Variants in NOXRED1 observed in about 807,000 individuals in gnomAD.
The protein encoded by NOXRED1 is NADP-dependent oxidoreductase domain-containing protein 1.
In NOXRED1, 20 loss-of-function variants were observed where a neutral mutation model predicts 30.4. The ratio of observed to expected loss-of-function variants is 0.66; its 90% CI spans 0.46 to 0.96. The LOEUF (loss-of-function observed/expected upper bound fraction) is 0.96. NOXRED1 is among the 40% of genes least tolerant of loss of function. The probability of loss-of-function intolerance (pLI) is 0.00; values close to 1 mark genes in which losing one functional copy is unlikely to be tolerated. For synonymous variants in NOXRED1, 155 were observed against 168.0 expected (o/e 0.92, Z 0.60); for missense variants, 374 against 428.0 (o/e 0.87, Z 1.11).
chr14:77,408,891 A>AGTTTTTTTTTTTTTT (rs1491306326), intron 2 of NOXRED1, among the ~76,000 whole-genome samples: 1 of 13,530 alleles, frequency 7.4e-5, no homozygotes, highest in Non-Finnish European at 3.4e-4. Context: ...ACTGGTAGTT[A>AGTTTTTTTTTTTTTT]ATTTTTTTTT....
At chr14:77,399,923 C>T (rs1402948680) in intron 5 of NOXRED1, among the ~76,000 whole-genome samples, 2 of 151,824 alleles carry the variant, frequency 1.3e-5, no homozygotes, top group Admixed American at 6.6e-5. Flanking sequence ...GAAACTATAC[C>T]TAAACATATC....
intron 5 of NOXRED1, among the ~76,000 whole-genome samples, chr14:77,403,249 C>T (rs1161780337): frequency 6.6e-6 from 1 of 151,992 alleles, no homozygotes; most frequent in Non-Finnish European, 1.5e-5. Flanking sequence ...AGAAGGAAAC[C>T]TTTTGTTTTT....
intron 2 of NOXRED1, among the ~76,000 whole-genome samples, chr14:77,413,034 T>C (rs1229581241): frequency 1.3e-5 from 2 of 152,152 alleles, no homozygotes; most frequent in Non-Finnish European, 2.9e-5. Context: ...AAGTATAATT[T>C]ACATATAATG....
Position 77,406,207 on chromosome 14 carries a change from C to A in NOXRED1, c.683-72G>T, listed in dbSNP as rs865933299. The A allele has an allele frequency of 6.5e-6, 7 of 1,073,904 alleles. No individual in the cohort carries two copies. In the South Asian group the frequency reaches 8.5e-5, roughly 13 times the overall value. The allele number at this position is 1,073,904 out of a possible 1,614,324, so 66.5% of individuals were successfully genotyped here. On this transcript the variant is annotated intron_variant, in intron 4 of 5. Transcript: ENST00000380835. ...GAGTTGCAGAAAACCTAGAATAAAC[C>A]CCTGACAGTGAATAGCCGCCTTTTT...
intron 1 of NOXRED1, among the ~76,000 whole-genome samples, 178 bp from the exon 2 acceptor site, chr14:77,414,305 G>A (rs547942706): frequency 7.9e-5 from 12 of 150,956 alleles, no homozygotes; most frequent in Non-Finnish European, 1.3e-4. Context: ...CCTGTCTCCC[G>A]AGTAGCTGGG....
intron 1 of NOXRED1, among the ~76,000 whole-genome samples, chr14:77,421,207 G>A (rs560423124): frequency 6.6e-6 from 1 of 152,332 alleles, no homozygotes; most frequent in East Asian, 1.9e-4. Context: ...GAACTGCAAT[G>A]GCTTTTCTTA....
intron 1 of NOXRED1, among the ~76,000 whole-genome samples, chr14:77,420,423 G>A (rs567708742): frequency 1.3e-5 from 2 of 151,468 alleles, no homozygotes; most frequent in African/African-American, 2.4e-5. Flanking sequence ...ATGTTGCCCA[G>A]GCTGGTCTCA....
intron 2 of NOXRED1, among the ~76,000 whole-genome samples, chr14:77,411,201 G>A (rs894180029): frequency 2.0e-5 from 3 of 152,128 alleles, no homozygotes; most frequent in Non-Finnish European, 4.4e-5. Flanking sequence ...GGGCATGGTG[G>A]CTCACGCTTG....
intron 1 of NOXRED1, among the ~76,000 whole-genome samples, chr14:77,416,604 T>A (rs1894830594): frequency 6.6e-6 from 1 of 152,258 alleles, no homozygotes; most frequent in Non-Finnish European, 1.5e-5. Flanking sequence ...GTCTACCTCT[T>A]TCTACACAGA....
At chr14:77,424,030 G>C (rs865955181), upstream of NOXRED1, among the ~76,000 whole-genome samples, 21 of 152,166 alleles carry the variant, frequency 1.4e-4, no homozygotes, top group African/African-American at 5.1e-4. Flanking sequence ...TCTGCTTTCT[G>C]TCTGAATGGA....
At chr14:77,400,295 A>C (rs1894294192) in intron 5 of NOXRED1, among the ~76,000 whole-genome samples, 2 of 152,232 alleles carry the variant, frequency 1.3e-5, no homozygotes, top group South Asian at 4.1e-4. Context: ...GGAACAAGTG[A>C]AGATAACTTT....
intron 5 of NOXRED1, among the ~76,000 whole-genome samples, chr14:77,396,874 G>A (rs577602023): frequency 7.2e-5 from 11 of 152,322 alleles, no homozygotes; most frequent in African/African-American, 2.2e-4. Flanking sequence ...ATCTATAGAT[G>A]TAATCACAAA....
intron 2 of NOXRED1, among the ~76,000 whole-genome samples, chr14:77,410,242 C>T (rs1894613278): frequency 6.6e-6 from 1 of 151,904 alleles, no homozygotes; most frequent in East Asian, 1.9e-4. Context: ...AGACTAGCCT[C>T]GGCATTAGAG....
chr14:77,419,786 A>G (rs1894940825), intron 1 of NOXRED1, among the ~76,000 whole-genome samples: 1 of 152,028 alleles, frequency 6.6e-6, no homozygotes. Context: ...AGCACTTTGA[A>G]TATATCAAGC....
chr14:77,404,970 G>A (rs986618143), intron 5 of NOXRED1, among the ~76,000 whole-genome samples: 4 of 152,176 alleles, frequency 2.6e-5, no homozygotes, highest in African/African-American at 7.2e-5. Flanking sequence ...TGGTAGAAAT[G>A]TAAACAAGTA....
chr14:77,406,624 CACACACACACAG>C (rs57651325), intron 4 of NOXRED1, 88 bp downstream of exon 4: 50,116 of 491,010 alleles, frequency 0.1, 756 homozygotes, highest in Admixed American at 0.15. Context: ...CACACACACA[CACACACACACAG>C]AGAGAGAGAG....
intron 5 of NOXRED1, among the ~76,000 whole-genome samples, chr14:77,405,220 C>G (rs1894424950): frequency 1.3e-5 from 2 of 152,242 alleles, no homozygotes; most frequent in African/African-American, 4.8e-5. Flanking sequence ...CATGGCGAAA[C>G]CCTGTATCTA....
At chr14:77,418,429 C>T (rs1204477646) in intron 1 of NOXRED1, among the ~76,000 whole-genome samples, 1 of 151,704 alleles carries the variant, frequency 6.6e-6, no homozygotes, top group African/African-American at 2.4e-5. Flanking sequence ...GCCACCGTGC[C>T]AAGCCTATTT....
At position 77,413,981 on chromosome 14, in the gene NOXRED1, A is replaced by G. The variant is rs1343679207; in HGVS notation, c.302T>C (p.Ile101Thr). Reference sequence around the variant, plus strand: ...GGAGATCCGCAGGCTTTCAGCAGGGATGGGGCCAAGCTGCAGCAGTGTGCC... The same window carrying G: ...GGAGATCCGCAGGCTTTCAGCAGGGGTGGGGCCAAGCTGCAGCAGTGTGCC... ...LAGTLLQLGP[I>T]PAESLRISTR... The change falls in exon 2 of 6, where the codon ATC becomes ACC. Residue 101 changes from isoleucine to threonine, a missense_variant. Transcript: ENST00000380835. 1 of 1,606,694 alleles carries G rather than the reference A, an allele frequency of 6.2e-7. No individual in the cohort carries two copies. The highest frequency in any genetic ancestry group is 1.3e-5 in the African/African-American group (1 of 74,688).
Sources: allele counts gnomAD v4.1 joint callset (sites outside exome capture counted in the v4.1 genomes callset), GRCh38; gene constraint gnomAD v4.1.1; transcripts MANE v1.5; gene names NCBI Gene and HGNC (gene_info 2026-07-23, HGNC 2026-07-21).